The following FANCC variants were observed in gnomAD, a reference collection of about 807,000 sequenced individuals.
FANCC encodes the protein FA complementation group C, also known as Fanconi anemia group C protein.
FANCC carries 55 observed loss-of-function variants against 71.3 expected under a neutral mutation model. The ratio of observed to expected loss-of-function variants is 0.77; its 90% CI spans 0.62 to 0.97. The LOEUF is 0.97. FANCC is among the 50% of genes least tolerant of loss of function. The pLI is 0.00. For missense variants in FANCC, 678 were observed against 670.9 expected, an observed-to-expected ratio of 1.01 and a Z score of -0.12; for synonymous variants, 275 against 244.9, an observed-to-expected ratio of 1.12 and a Z score of -1.15.
intron 4 of FANCC, 135 bp from the exon 5 acceptor site, chr9:95,172,282 AT>A: frequency 1.6e-6 from 1 of 609,094 alleles, no homozygotes; most frequent in African/African-American, 1.9e-5. Context: ...AAAGTACCCA[AT>A]TTACTTTGAT....
At chr9:95,182,413 G>A (rs898695149) in intron 4 of FANCC, among the ~76,000 whole-genome samples, 42 of 152,146 alleles carry the variant, frequency 2.8e-4, no homozygotes, top group Non-Finnish European at 2.8e-4. Context: ...CCAGCTACTC[G>A]GGAGGCCAAG....
chr9:95,306,198 A>T (rs895259730), intron 1 of FANCC, among the ~76,000 whole-genome samples: 2 of 152,248 alleles, frequency 1.3e-5, no homozygotes, highest in African/African-American at 4.8e-5. Context: ...TATTGGTTAC[A>T]GAAGAACAGG....
intron 1 of FANCC, among the ~76,000 whole-genome samples, chr9:95,252,547 C>A (rs978106658): frequency 2.0e-5 from 3 of 151,540 alleles, no homozygotes; most frequent in African/African-American, 7.3e-5. Context: ...GAGATTGAGA[C>A]CATCCTGGCT....
chr9:95,315,689 A>G (rs1835697903), intron 1 of FANCC, among the ~76,000 whole-genome samples: 1 of 152,258 alleles, frequency 6.6e-6, no homozygotes, highest in African/African-American at 2.4e-5. Flanking sequence ...AAAACTTTTA[A>G]AAATCATTTG....
intron 1 of FANCC, chr9:95,316,858 G>A (rs1000202219): frequency 2.0e-5 from 3 of 152,280 alleles, no homozygotes; most frequent in South Asian, 2.1e-4. Context: ...GGGCTTTGAA[G>A]ATATGGCCTG....
intron 4 of FANCC, among the ~76,000 whole-genome samples, chr9:95,195,479 C>G (rs1383744363): frequency 6.6e-6 from 1 of 152,074 alleles, no homozygotes; most frequent in Non-Finnish European, 1.5e-5. Context: ...ATCTATGTGT[C>G]CACGCCTCTG....
chr9:95,210,320 ATG>A (rs781695361), intron 4 of FANCC, among the ~76,000 whole-genome samples: 1 of 152,122 alleles, frequency 6.6e-6, no homozygotes, highest in Non-Finnish European at 1.5e-5. Context: ...GATGATAGAT[ATG>A]TGTTATTTAT....
At chr9:95,234,764 A>G (rs1830201872) in intron 4 of FANCC, among the ~76,000 whole-genome samples, 1 of 152,232 alleles carries the variant, frequency 6.6e-6, no homozygotes, top group Non-Finnish European at 1.5e-5. Flanking sequence ...AAATGCCCAG[A>G]TAACCAGGAG....
chr9:95,257,202 A>C (rs1158596021), intron 1 of FANCC, among the ~76,000 whole-genome samples: 3 of 152,198 alleles, frequency 2.0e-5, no homozygotes, highest in Non-Finnish European at 4.4e-5. Context: ...ACATCTACAG[A>C]ACTCTCCACC....
intron 1 of FANCC, among the ~76,000 whole-genome samples, chr9:95,276,245 C>T (rs1468676674): frequency 6.6e-6 from 1 of 152,064 alleles, no homozygotes; most frequent in Non-Finnish European, 1.5e-5. Flanking sequence ...GATTGCCTCT[C>T]ACATTCAAGA....
chr9:95,114,930 T>TA (rs912422289), intron 11 of FANCC, among the ~76,000 whole-genome samples: 3 of 152,174 alleles, frequency 2.0e-5, no homozygotes, highest in Non-Finnish European at 4.4e-5. Flanking sequence ...TCAAAGAATC[T>TA]AATCTTTTAA....
intron 1 of FANCC, among the ~76,000 whole-genome samples, chr9:95,263,541 G>C (rs1832197279): frequency 6.7e-6 from 1 of 149,186 alleles, no homozygotes; most frequent in Admixed American, 6.7e-5. Flanking sequence ...GATATAGATA[G>C]ATAGATAGAT....
chr9:95,164,633 C>T (rs987512946), intron 6 of FANCC, among the ~76,000 whole-genome samples: 1 of 152,048 alleles, frequency 6.6e-6, no homozygotes, highest in Non-Finnish European at 1.5e-5. Flanking sequence ...TCCTTGTATT[C>T]AAGGAATAAT....
chr9:95,300,125 T>C (rs1834631783), intron 1 of FANCC, among the ~76,000 whole-genome samples: 1 of 152,228 alleles, frequency 6.6e-6, no homozygotes, highest in Non-Finnish European at 1.5e-5. Context: ...AATAAGTTCC[T>C]TAATATCTTG....
At chr9:95,257,968 C>G (rs962883403) in intron 1 of FANCC, among the ~76,000 whole-genome samples, 5 of 152,078 alleles carry the variant, frequency 3.3e-5, no homozygotes, top group African/African-American at 1.2e-4. Flanking sequence ...CACCCTCTTA[C>G]ACCCTCTCAA....
intron 6 of FANCC, among the ~76,000 whole-genome samples, chr9:95,159,190 A>G (rs554139163): frequency 1.3e-5 from 2 of 151,688 alleles, no homozygotes; most frequent in African/African-American, 4.8e-5. Flanking sequence ...CTTGCCCCCC[A>G]CTCCACAACA....
intron 4 of FANCC, among the ~76,000 whole-genome samples, chr9:95,231,104 T>C (rs4647453): frequency 9.2e-5 from 14 of 152,330 alleles, no homozygotes; most frequent in Middle Eastern, 3.4e-3. Flanking sequence ...CACTCCATTT[T>C]ACCAGTCTGA....
At chr9:95,164,359 T>C (rs1486565552) in intron 6 of FANCC, among the ~76,000 whole-genome samples, 1 of 152,208 alleles carries the variant, frequency 6.6e-6, no homozygotes, top group Admixed American at 6.5e-5. Flanking sequence ...GATGAAGATA[T>C]TCTTGCCTTG....
In FANCC at chr9:95,110,345, A is replaced by AGAC. The variant is rs1194928662; in HGVS notation, c.1329+1115_1329+1117dup. 17 of 1,019,166 alleles carry AGAC rather than the reference A, an allele frequency of 1.7e-5. No individual in the cohort carries two copies. In the African/African-American group the frequency reaches 2.6e-4, roughly 15 times the overall value. The allele number at this position is 1,019,166 out of a possible 1,614,324, so 63.1% of individuals were successfully genotyped here. ...AACTTAGCTTATTCAGAATCAAATA[A>AGAC]GACAGAATATAAAAGGGCTTTAAAA... On this transcript the variant is annotated intron_variant, in intron 13 of 14. Coordinates refer to ENST00000289081, the MANE Select transcript of FANCC (RefSeq NM_000136.3).
Sources: allele counts gnomAD v4.1 joint callset (sites outside exome capture counted in the v4.1 genomes callset), GRCh38; gene constraint gnomAD v4.1.1; transcripts MANE v1.5; gene names NCBI Gene and HGNC (gene_info 2026-07-23, HGNC 2026-07-21).